Variants in PDPR observed in about 807,000 individuals in gnomAD.
PDPR encodes the protein pyruvate dehydrogenase phosphatase regulatory subunit, also known as pyruvate dehydrogenase phosphatase regulatory subunit, mitochondrial.
Under a neutral mutation model 102.2 loss-of-function variants are expected in PDPR, and 50 were observed. The observed-to-expected ratio is 0.49, with a 90% CI of 0.39 to 0.62. PDPR has a LOEUF of 0.62. Among genes scored for constraint, PDPR ranks in the 20% least tolerant of loss-of-function variants. The pLI, the probability that PDPR is intolerant of heterozygous loss-of-function variation, is 0.00. For synonymous variants in PDPR, 259 were observed against 406.0 expected (o/e 0.64, Z 4.35); for missense variants, 625 against 1,098.2 (o/e 0.57, Z 6.09).
At chr16:70,117,697 C>T (rs1458394132) in intron 2 of PDPR, among the ~76,000 whole-genome samples, 3 of 152,070 alleles carry the variant, frequency 2.0e-5, no homozygotes, top group Admixed American at 1.3e-4. Flanking sequence ...CTGGTTTGGT[C>T]AGAGTGTGAG....
chr16:70,154,841 A>G (rs1441543764), intron 18 of PDPR, among the ~76,000 whole-genome samples: 1 of 152,212 alleles, frequency 6.6e-6, no homozygotes, highest in African/African-American at 2.4e-5. Flanking sequence ...GTTTCACCAC[A>G]TTGGCCAGGG....
chr16:70,129,416 C>T (rs1443044018), intron 6 of PDPR, among the ~76,000 whole-genome samples: 1 of 152,284 alleles, frequency 6.6e-6, no homozygotes, highest in African/African-American at 2.4e-5. Context: ...ACAATCTTGG[C>T]TCACTGCAAC....
intron 13 of PDPR, among the ~76,000 whole-genome samples, chr16:70,143,103 C>T (rs1445754273): frequency 5.9e-5 from 9 of 152,336 alleles, no homozygotes; most frequent in East Asian, 5.8e-4. Flanking sequence ...GCAGGAGAAT[C>T]GCGTGAACTC....
At chr16:70,143,738 C>T in intron 14 of PDPR, 80 bp downstream of exon 14, 1 of 1,517,498 alleles carries the variant, frequency 6.6e-7, no homozygotes, top group Non-Finnish European at 9.0e-7. Context: ...CTCTCAGGCG[C>T]TTCTCCGGGA....
At chr16:70,156,305 C>A in intron 18 of PDPR, 170 bp from the exon 19 acceptor site, 1 of 747,898 alleles carries the variant, frequency 1.3e-6, no homozygotes, top group Non-Finnish European at 2.1e-6. Context: ...ATTTCACATG[C>A]AGTTTTTCAC....
At chr16:70,114,219 G>T (rs1245412095), upstream of PDPR, 1 of 152,258 alleles carries the variant, frequency 6.6e-6, no homozygotes, top group Non-Finnish European at 1.5e-5. Context: ...GCGCGCTCGT[G>T]CGCTGCTGAG....
chr16:70,126,248 A>G (rs893943110), intron 3 of PDPR, among the ~76,000 whole-genome samples: 7 of 152,260 alleles, frequency 4.6e-5, no homozygotes, highest in Non-Finnish European at 1.0e-4. Flanking sequence ...GTCTTGCTCT[A>G]TTGCTTAGTC....
In PDPR at chr16:70,153,456, G is replaced by T; in HGVS notation, c.2118G>T (p.Gly706=). The T allele has an allele frequency of 6.2e-7, 1 of 1,613,930 alleles. No homozygotes were observed. Among genetic ancestry groups the T allele is most frequent in the Non-Finnish European group, 8.5e-7 (1 of 1,179,848 alleles). ...VGQKYGIRNA[G]YYALRSLRIE... is the part of the protein sequence containing the mutation. ...AGAAATACGGAATCCGGAATGCTGG[G>T]TATTACGCTCTTCGCAGTCTCCGAA... The change falls in exon 18 of 19, where the codon GGG becomes GGT. Residue 706 remains glycine, a synonymous_variant. Coordinates refer to ENST00000288050, the MANE Select transcript of PDPR (RefSeq NM_017990.5).
At chr16:70,117,504 C>T (rs570969973) in intron 2 of PDPR, among the ~76,000 whole-genome samples, 4 of 151,258 alleles carry the variant, frequency 2.6e-5, no homozygotes, top group Non-Finnish European at 5.9e-5. Context: ...GGCGACAGAG[C>T]GAGACTCCAT....
chr16:70,131,645 C>G, intron 8 of PDPR: 1 of 979,288 alleles, frequency 1.0e-6, no homozygotes, highest in Non-Finnish European at 1.2e-6. Flanking sequence ...GTTTTGCAAG[C>G]TAATTTTAGT....
At chr16:70,114,324 C>A (rs548524295), upstream of PDPR, 1 of 152,340 alleles carries the variant, frequency 6.6e-6, no homozygotes, top group East Asian at 1.9e-4. Context: ...TCGCCCCGCC[C>A]CCTTCCCATC....
intron 3 of PDPR, among the ~76,000 whole-genome samples, chr16:70,121,813 G>A (rs1963318671): frequency 1.3e-5 from 2 of 150,956 alleles, no homozygotes; most frequent in South Asian, 4.2e-4. Context: ...CACCCAAGCT[G>A]GAGTGCAGTC....
chr16:70,156,620 A>G lies in PDPR; in HGVS notation c.2381A>G (p.Gln794Arg). The change falls in exon 19 of 19, where the codon CAG (glutamine) becomes CGG (arginine). Residue 794 changes from glutamine (Q) to arginine (R), a missense_variant. Gln to Arg is a conservative substitution (Grantham distance 43). This residue lies in a region of PDPR where 303 missense variants were observed against 258.9 expected (regional missense o/e 1.17). Transcript: ENST00000288050. ...WWGEPIYRNG[Q>R]YVGKTTSSAY... The stretch of plus-strand genomic sequence containing the variant: ...GGAGAGCCCATTTACCGGAATGGGC[A>G]GTATGTTGGCAAGACCACCAGCAGT... 6.2e-7 allele frequency: 1 copy of G among 1,614,122 alleles called. No homozygotes were observed. Among genetic ancestry groups the G allele is most frequent in the Non-Finnish European group, 8.5e-7 (1 of 1,179,916 alleles).
chr16:70,124,578 C>T (rs1963727004), intron 3 of PDPR, among the ~76,000 whole-genome samples: 1 of 152,254 alleles, frequency 6.6e-6, no homozygotes, highest in Admixed American at 6.5e-5. Flanking sequence ...AGGGGTGAGG[C>T]CAGGCATCAA....
rs774199595 is a variant in PDPR at position 70,130,562 on chromosome 16, C to G, written c.729+18C>G. On this transcript the variant is annotated intron_variant, in intron 7 of 18. Transcript: ENST00000288050. ...CTGGCCAGGTAGGTCAGCACCAACA[C>G]TGCTGTTCTTATTTAACGTTTGTCT... 6.2e-7 allele frequency: 1 copy of G among 1,612,776 alleles called. No individual in the cohort carries two copies.
chr16:70,140,945 C>A (rs1472105027), intron 11 of PDPR, among the ~76,000 whole-genome samples: 2 of 152,288 alleles, frequency 1.3e-5, no homozygotes, highest in African/African-American at 2.4e-5. Context: ...TCCCAACCTC[C>A]CCAAGCCTTG....
intron 16 of PDPR, 47 bp downstream of exon 16, chr16:70,146,275 C>G: frequency 6.2e-7 from 1 of 1,612,588 alleles, no homozygotes; most frequent in Non-Finnish European, 8.5e-7. Context: ...GAGAATGTGT[C>G]TTTCATAGCG....
At chr16:70,153,210 G>T (rs1403270339) in intron 17 of PDPR, among the ~76,000 whole-genome samples, 181 bp from the exon 18 acceptor site, 1 of 152,282 alleles carries the variant, frequency 6.6e-6, no homozygotes, top group Non-Finnish European at 1.5e-5. Context: ...CCAGGCTGGG[G>T]TGACCCCAGC....
chr16:70,141,141 C>T (rs1965671884), intron 11 of PDPR, among the ~76,000 whole-genome samples: 1 of 152,216 alleles, frequency 6.6e-6, no homozygotes, highest in African/African-American at 2.4e-5. Flanking sequence ...GCAACCTCTG[C>T]CTCCTGGGTT....
Sources: gnomAD v4.1 joint callset for allele counts (sites outside exome capture counted in the v4.1 genomes callset) on GRCh38, gnomAD v4.1.1 for gene constraint, gnomAD v4.1.1 regional missense constraint, MANE v1.5 for transcripts, NCBI Gene and HGNC (gene_info 2026-07-23, HGNC 2026-07-21) for gene names.